NCALD: variants seen among roughly 807,000 people sequenced by gnomAD.
The protein encoded by NCALD is neurocalcin-delta.
NCALD carries 10 observed loss-of-function variants against 18.6 expected under a neutral mutation model. The ratio of observed to expected loss-of-function variants is 0.54; its 90% CI spans 0.33 to 0.91. The LOEUF (loss-of-function observed/expected upper bound fraction) is 0.91. Among genes scored for constraint, NCALD ranks in the 40% least tolerant of loss-of-function variants. The pLI, the probability that NCALD is intolerant of heterozygous loss-of-function variation, is 0.03. For synonymous variants in NCALD, 88 were observed against 87.4 expected (o/e 1.01, Z -0.04); for missense variants, 184 against 247.6 (o/e 0.74, Z 1.72).
intron 1 of NCALD, among the ~76,000 whole-genome samples, chr8:102,026,715 C>T (rs1377425537): frequency 6.6e-6 from 1 of 152,328 alleles, no homozygotes; most frequent in South Asian, 2.1e-4. Flanking sequence ...CTTCTCACAG[C>T]TCCACTAGGC....
intron 4 of NCALD, among the ~76,000 whole-genome samples, chr8:101,812,335 T>C (rs1813336373): frequency 1.3e-5 from 2 of 152,178 alleles, no homozygotes; most frequent in Admixed American, 6.5e-5. Flanking sequence ...TAAATTTTTC[T>C]ACATCCAAAA....
intron 1 of NCALD, among the ~76,000 whole-genome samples, chr8:101,759,238 T>C (rs890124092): frequency 1.3e-5 from 2 of 152,206 alleles, no homozygotes; most frequent in Non-Finnish European, 2.9e-5. Flanking sequence ...GTCTTGCTGA[T>C]TTATATAGTA....
At chr8:101,941,745 C>T (rs576029083) in intron 2 of NCALD, among the ~76,000 whole-genome samples, 1 of 152,204 alleles carries the variant, frequency 6.6e-6, no homozygotes, top group African/African-American at 2.4e-5. Flanking sequence ...GGGGTATTAA[C>T]TAAAAGCACC....
chr8:102,078,253 G>A (rs1824412723), intron 1 of NCALD, among the ~76,000 whole-genome samples: 1 of 151,682 alleles, frequency 6.6e-6, no homozygotes, highest in Non-Finnish European at 1.5e-5. Context: ...GCCCCTTCTC[G>A]CCAGCTCCAC....
chr8:101,938,668 T>C (rs1394728504), intron 2 of NCALD, among the ~76,000 whole-genome samples: 2 of 151,820 alleles, frequency 1.3e-5, no homozygotes, highest in African/African-American at 4.8e-5. Context: ...AAAAAAAAAC[T>C]TGTAAGTGGC....
intron 1 of NCALD, among the ~76,000 whole-genome samples, chr8:102,037,919 C>T (rs543171311): frequency 2.2e-4 from 34 of 152,268 alleles, no homozygotes; most frequent in African/African-American, 7.5e-4. Flanking sequence ...AAGCATTTTA[C>T]ATCAATAAAA....
intron 2 of NCALD, among the ~76,000 whole-genome samples, chr8:101,961,742 CT>C (rs1697130108): frequency 1.3e-5 from 2 of 152,060 alleles, no homozygotes; most frequent in Admixed American, 6.6e-5. Context: ...CTAACTACTA[CT>C]TTTAATTCAA....
chr8:101,757,892 AT>A (rs1563737539), intron 1 of NCALD, among the ~76,000 whole-genome samples: 1 of 151,976 alleles, frequency 6.6e-6, no homozygotes, highest in East Asian at 1.9e-4. Context: ...TATTTTAACA[AT>A]TTTTTTAGAG....
intron 2 of NCALD, among the ~76,000 whole-genome samples, chr8:102,003,391 G>T (rs1821557576): frequency 6.6e-6 from 1 of 152,140 alleles, no homozygotes; most frequent in Non-Finnish European, 1.5e-5. Context: ...ATAATTAATA[G>T]CTTAACAACC....
chr8:101,693,315 G>A (rs112048884), intron 2 of NCALD: 14 of 126,270 alleles, frequency 1.1e-4, no homozygotes, highest in African/African-American at 3.7e-4. Flanking sequence ...CACCACACAG[G>A]GCGTTTTTTT....
chr8:101,774,271 T>C (rs1422336135), intron 1 of NCALD, among the ~76,000 whole-genome samples: 1 of 152,210 alleles, frequency 6.6e-6, no homozygotes, highest in Non-Finnish European at 1.5e-5. Flanking sequence ...GCCAATGCTG[T>C]CTTGTTGGCC....
intron 2 of NCALD, among the ~76,000 whole-genome samples, chr8:101,954,560 C>A (rs1432736882): frequency 6.6e-6 from 1 of 152,160 alleles, no homozygotes; most frequent in Non-Finnish European, 1.5e-5. Context: ...AGGATGACTG[C>A]ATTGTTCTGC....
rs1028037242 is a variant in NCALD, at chr8:101,875,353, A to C, written c.-20+11788T>G. ...AACAGCTAGCTCAGGCTGTCCAGCC[A>C]ATGCACCATTCACACAGGATTTCCC... On this transcript the variant is annotated intron_variant, in intron 4 of 6. Transcript: ENST00000311028. Among the ~76,000 whole-genome samples the C allele has an allele frequency of 2.6e-5, 4 of 152,208 alleles. No homozygotes were observed. The South Asian group carries it at 8.3e-4, about 32-fold the overall frequency.
intron 2 of NCALD, among the ~76,000 whole-genome samples, chr8:101,941,019 C>G (rs1015953096): frequency 6.6e-6 from 1 of 152,192 alleles, no homozygotes; most frequent in African/African-American, 2.4e-5. Flanking sequence ...AAACCCAACA[C>G]AGCTAAGATT....
chr8:102,111,035 T>C (rs982637893), intron 1 of NCALD, among the ~76,000 whole-genome samples: 2 of 152,274 alleles, frequency 1.3e-5, no homozygotes, highest in South Asian at 2.1e-4. Context: ...TATTAAGTAA[T>C]GATAATAAAT....
intron 1 of NCALD, among the ~76,000 whole-genome samples, chr8:101,783,192 G>T (rs932931738): frequency 2.6e-5 from 4 of 152,160 alleles, no homozygotes; most frequent in African/African-American, 4.8e-5. Flanking sequence ...ATGAATAAAT[G>T]AATGAGAGTC....
chr8:102,047,753 C>T (rs7001076), intron 1 of NCALD, among the ~76,000 whole-genome samples: 48,908 of 151,992 alleles, frequency 0.32, 8,196 homozygotes, highest in Non-Finnish European at 0.37. Context: ...TCTTACCTAG[C>T]AGGTACTATT....
At chr8:102,102,831 GGCCTCCCAATTCTTGT>G (rs1825331342) in intron 1 of NCALD, among the ~76,000 whole-genome samples, 1 of 152,196 alleles carries the variant, frequency 6.6e-6, no homozygotes, top group South Asian at 2.1e-4. Flanking sequence ...TTTCCAGCTG[GGCCTCCCAATTCTTGT>G]GCCCCTCAGG....
chr8:101,851,587 T>C (rs1483346803), intron 4 of NCALD, among the ~76,000 whole-genome samples: 1 of 152,152 alleles, frequency 6.6e-6, no homozygotes, highest in Non-Finnish European at 1.5e-5. Flanking sequence ...TCAAACTCTG[T>C]CTTGGATTTG....
Sources: gnomAD v4.1 joint callset for allele counts (sites outside exome capture counted in the v4.1 genomes callset) on GRCh38, gnomAD v4.1.1 for gene constraint, MANE v1.5 for transcripts, NCBI Gene and HGNC (gene_info 2026-07-23, HGNC 2026-07-21) for gene names.